The following CHM variants were observed in gnomAD, a reference collection of about 807,000 sequenced individuals.
CHM encodes CHM Rab escort protein.
Under a neutral mutation model 49.0 loss-of-function variants are expected in CHM, and 10 were observed. The ratio of observed to expected loss-of-function variants is 0.20; its 90% confidence interval spans 0.13 to 0.35. CHM has a LOEUF of 0.35. Ranked by LOEUF, CHM falls within the 10% of genes least tolerant of loss-of-function variation. The pLI is 1.00. For missense variants in CHM, 455 were observed against 478.4 expected (o/e 0.95, Z 0.46); for synonymous variants, 184 against 167.5 (o/e 1.10, Z -0.76).
chrX:85,977,010 G>A (rs1290396886), intron 4 of CHM, among the ~76,000 whole-genome samples: 4 of 111,735 alleles, frequency 3.6e-5, no homozygotes, highest in African/African-American at 1.3e-4. Flanking sequence ...GTAAAACTTT[G>A]TGACAACTAT....
At chrX:85,973,314 A>C in intron 4 of CHM, among the ~76,000 whole-genome samples, 1 of 99,779 alleles carries the variant, frequency 1.0e-5, no homozygotes, top group Non-Finnish European at 2.0e-5. Flanking sequence ...AAAAAAAAAA[A>C]AAAAAAAAAA....
In CHM at chrX:85,958,939, G is replaced by T. The variant is rs1478294086; in HGVS notation, c.741C>A (p.Ile247=). The change falls in exon 6 of 15, where the codon ATC becomes ATA. Residue 247 remains isoleucine (I), a synonymous_variant. Transcript: ENST00000357749. ...YSRGLLIDLL[I]KSNVSRYAEF... is the part of the protein sequence containing the mutation. ...CTGCATATCGACTAACATTAGATTT[G>T]ATTAGAAGATCAATTAGTAATCCTC... 1 of 1,209,220 alleles carries T rather than the reference G, an allele frequency of 8.3e-7. No homozygotes were observed. The highest frequency in any genetic ancestry group is 1.8e-5 in the African/African-American group (1 of 57,103).
chrX:85,898,599 A>C (rs1926058444), intron 11 of CHM, among the ~76,000 whole-genome samples: 1 of 112,233 alleles, frequency 8.9e-6, no homozygotes, highest in South Asian at 3.7e-4. Context: ...TCCAAGAGTT[A>C]TCTCTATTTG....
intron 2 of CHM, among the ~76,000 whole-genome samples, chrX:86,008,010 A>G (rs1302094710): frequency 8.9e-6 from 1 of 112,134 alleles, no homozygotes; most frequent in East Asian, 2.8e-4. Context: ...ACCCACCCAA[A>G]TGTCCAACAA....
intron 1 of CHM, among the ~76,000 whole-genome samples, chrX:86,046,220 AC>A (rs1934647154): frequency 8.9e-6 from 1 of 112,353 alleles, no homozygotes; most frequent in Admixed American, 9.4e-5. Context: ...AATTGTTTCT[AC>A]GAATATGGGT....
intron 1 of CHM, among the ~76,000 whole-genome samples, chrX:86,041,361 C>T (rs1447508057): frequency 9.0e-6 from 1 of 110,864 alleles, no homozygotes; most frequent in African/African-American, 3.3e-5. Context: ...ACTTTTCCAT[C>T]AATAAATGCC....
intron 2 of CHM, among the ~76,000 whole-genome samples, chrX:86,001,687 C>T (rs1273051794): frequency 1.8e-5 from 2 of 110,349 alleles, no homozygotes; most frequent in Non-Finnish European, 3.8e-5. Flanking sequence ...AAATCATTCA[C>T]GAGGGATGCA....
At chrX:85,920,768 G>A (rs760563645) in intron 8 of CHM, among the ~76,000 whole-genome samples, 3 of 111,969 alleles carry the variant, frequency 2.7e-5, no homozygotes, top group Non-Finnish European at 3.8e-5. Flanking sequence ...TTTGGTCTCA[G>A]AGGTTTCTCT....
intron 1 of CHM, chrX:86,047,211 C>A (rs977225003): frequency 2.9e-5 from 12 of 413,440 alleles, no homozygotes; most frequent in Non-Finnish European, 5.1e-5. Flanking sequence ...CCACTTCCCT[C>A]TAAGGAAATT....
intron 1 of CHM, among the ~76,000 whole-genome samples, chrX:86,046,334 C>T (rs1242469817): frequency 8.9e-6 from 1 of 112,426 alleles, no homozygotes; most frequent in African/African-American, 3.2e-5. Flanking sequence ...TTTTCCAAGT[C>T]CCCTTTTCCT....
intron 9 of CHM, among the ~76,000 whole-genome samples, chrX:85,907,629 T>C (rs1926682410): frequency 8.9e-6 from 1 of 112,158 alleles, no homozygotes; most frequent in African/African-American, 3.2e-5. Context: ...TTTGGTTACA[T>C]ATTCCATATA....
intron 2 of CHM, among the ~76,000 whole-genome samples, chrX:85,983,014 C>T (rs1336634015): frequency 9.1e-6 from 1 of 110,481 alleles, no homozygotes; most frequent in African/African-American, 3.3e-5. Context: ...AATAACTCTT[C>T]CATAATGCTA....
At chrX:85,875,408 T>G (rs777512976) in intron 13 of CHM, among the ~76,000 whole-genome samples, 66 of 111,809 alleles carry the variant, frequency 5.9e-4, no homozygotes, top group African/African-American at 2.0e-3. Context: ...TAAGAAGGAC[T>G]AAAGATGTAA....
chrX:85,976,349 G>A (rs1452988574), intron 4 of CHM, among the ~76,000 whole-genome samples: 2 of 112,011 alleles, frequency 1.8e-5, no homozygotes, highest in Non-Finnish European at 3.8e-5. Flanking sequence ...AGAGCCGGGC[G>A]CAGTGGCTCA....
chrX:85,910,690 A>G (rs1333817940), intron 9 of CHM, among the ~76,000 whole-genome samples: 1 of 111,542 alleles, frequency 9.0e-6, no homozygotes, highest in African/African-American at 3.2e-5. Flanking sequence ...GGTTTATGAC[A>G]ACAATCTACC....
At chrX:85,865,249 G>A (rs1310481939) in intron 14 of CHM, among the ~76,000 whole-genome samples, 1 of 111,384 alleles carries the variant, frequency 9.0e-6, no homozygotes, top group African/African-American at 3.3e-5. Flanking sequence ...CTAGATTATG[G>A]GGGCGGCTGT....
intron 8 of CHM, among the ~76,000 whole-genome samples, chrX:85,936,443 T>C (rs1928786359): frequency 1.8e-5 from 2 of 111,646 alleles, no homozygotes; most frequent in East Asian, 5.6e-4. Flanking sequence ...TTATGGCCTT[T>C]TCCATAATAC....
intron 6 of CHM, 50 bp downstream of exon 6, chrX:85,958,811 C>A (rs776034763): frequency 8.3e-7 from 1 of 1,207,081 alleles, no homozygotes; most frequent in East Asian, 3.0e-5. Flanking sequence ...CAAAACAAAC[C>A]ATAATAACTT....
chrX:85,898,823 C>G (rs1926073015), intron 11 of CHM, among the ~76,000 whole-genome samples: 1 of 112,406 alleles, frequency 8.9e-6, no homozygotes, highest in South Asian at 3.6e-4. Flanking sequence ...AGACCGTAAG[C>G]TATTTGAGAG....
Sources: allele counts gnomAD v4.1 joint callset (sites outside exome capture counted in the v4.1 genomes callset), GRCh38; gene constraint gnomAD v4.1.1; transcripts MANE v1.5; gene names NCBI Gene and HGNC (gene_info 2026-07-23, HGNC 2026-07-21).